Variants in ZC3H14 observed in about 807,000 individuals in gnomAD.
The protein encoded by ZC3H14 is zinc finger CCCH-type containing 14.
A neutral mutation model predicts 92.4 loss-of-function variants in ZC3H14; 31 were observed. The ratio of observed to expected loss-of-function variants is 0.34; its 90% CI spans 0.25 to 0.45. ZC3H14 has a LOEUF of 0.45. Ranked by LOEUF, ZC3H14 falls within the 20% of genes least tolerant of loss-of-function variation. The pLI, the probability that ZC3H14 is intolerant of heterozygous loss-of-function variation, is 1.00. For synonymous variants in ZC3H14, 321 were observed against 300.9 expected (o/e 1.07, Z -0.69); for missense variants, 781 against 897.3 (o/e 0.87, Z 1.66).
In ZC3H14 at chr14:88,624,814, A is replaced by T. The variant is rs2089670346; in HGVS notation, c.*13063A>T. On this transcript the variant is annotated 3_prime_UTR_variant, in exon 17 of 17. Coordinates refer to ENST00000251038, the MANE Select transcript of ZC3H14 (RefSeq NM_024824.5). ...GAATTAAGACCAGAAATGAGAATCA[A>T]ATAGAAGGCACATAAAAGGTAATAA... The T allele has an allele frequency of 1.2e-6, 1 of 830,662 alleles. No individual in the cohort carries two copies. Among genetic ancestry groups the T allele is most frequent in the Non-Finnish European group, 1.8e-6 (1 of 549,676 alleles). 51.5% of individuals were successfully genotyped at this position (830,662 alleles called of 1,614,324 possible).
At chr14:88,602,207 T>A in intron 11 of ZC3H14, 124 bp downstream of exon 11, 1 of 1,310,984 alleles carries the variant, frequency 7.6e-7, no homozygotes, top group Non-Finnish European at 1.1e-6. Context: ...ATTGATTCAG[T>A]AGCTAGCCCA....
intron 10 of ZC3H14, among the ~76,000 whole-genome samples, chr14:88,598,489 T>C (rs543363999): frequency 4.8e-4 from 73 of 152,338 alleles, no homozygotes; most frequent in African/African-American, 1.7e-3. Flanking sequence ...AGTCCAGTAC[T>C]TCTTTCATCA....
At position 88,566,040 on chromosome 14, in the gene ZC3H14, C is replaced by T. The variant is rs1172438268; in HGVS notation, c.80-1999C>T. Among the ~76,000 whole-genome samples the T allele has an allele frequency of 4.5e-5, 2 of 44,802 alleles. 1 individual carries two copies. The allele number at this position is 44,802 out of a possible 152,430, so 29.4% of individuals were successfully genotyped here. On this transcript the variant is annotated intron_variant, in intron 2 of 16. Transcript: ENST00000251038. Reference sequence around the variant, plus strand: ...CTGCCACCACCCCGCCCCCCCCCCCCGGCTAATTTTTGTGTTTTTAGTGGA... The same window carrying T: ...CTGCCACCACCCCGCCCCCCCCCCCTGGCTAATTTTTGTGTTTTTAGTGGA...
rs755252596 is a variant in ZC3H14 at position 88,596,846 on chromosome 14, T to A, written c.1354+38T>A. 3.3e-5 allele frequency: 51 copies of A among 1,563,620 alleles called. 1 individual carries two copies. Among genetic ancestry groups the A allele is most frequent in the Non-Finnish European group, 4.4e-5 (50 of 1,134,116 alleles). On this transcript the variant is annotated intron_variant, in intron 10 of 16. Transcript: ENST00000251038. ...TCAAGTTGTACTGTAATCCAGCCAT[T>A]TCAGTTGCCATTTCCATTTCTTACA...
rs983218505 is a variant in ZC3H14 at position 88,616,626 on chromosome 14, A to G, written c.*4875A>G. ...TTAGAAAGTTTGGGGAAAAATTTAG[A>G]AATTAGGACAAAACATTTTAAATAT... is the stretch of plus-strand genomic sequence containing the variant. On this transcript the variant is annotated 3_prime_UTR_variant, in exon 17 of 17. Transcript: ENST00000251038. 1 of 1,243,042 alleles carries G rather than the reference A, an allele frequency of 8.0e-7. No homozygotes were observed. Among genetic ancestry groups the G allele is most frequent in the South Asian group, 1.8e-5 (1 of 54,674 alleles). The allele number at this position is 1,243,042 out of a possible 1,614,324, so 77.0% of individuals were successfully genotyped here. A position where few individuals can be genotyped will look rare whatever the true frequency, so the allele number is the denominator to read the frequency against.
chr14:88,619,178 C>G lies in ZC3H14; in HGVS notation c.*7427C>G, dbSNP rs2088358721. On this transcript the variant is annotated 3_prime_UTR_variant, in exon 17 of 17. Coordinates refer to ENST00000251038, the MANE Select transcript of ZC3H14 (RefSeq NM_024824.5). ...GTCGAGAGTTTGAGACCAGCCTGACCAACATAGAGAAACCCTGTCTCTACT... is the reference window on the plus strand; with the variant it reads ...GTCGAGAGTTTGAGACCAGCCTGACGAACATAGAGAAACCCTGTCTCTACT... The G allele has an allele frequency of 6.3e-6, 1 of 159,674 alleles. No homozygotes were observed. Among genetic ancestry groups the G allele is most frequent in the Admixed American group, 6.3e-5 (1 of 15,864 alleles). 9.9% of individuals were successfully genotyped at this position (159,674 alleles called of 1,614,324 possible).
chr14:88,608,415 CT>C, intron 13 of ZC3H14: 1 of 345,496 alleles, frequency 2.9e-6, no homozygotes, highest in Non-Finnish European at 5.7e-6. Flanking sequence ...TATCTTACAC[CT>C]TATTTTGTTT....
chr14:88,565,614 A>G (rs1279091650), intron 2 of ZC3H14, among the ~76,000 whole-genome samples: 2 of 152,092 alleles, frequency 1.3e-5, no homozygotes, highest in Non-Finnish European at 2.9e-5. Flanking sequence ...GGGTCAGTGG[A>G]TTTTTGTGCA....
intron 9 of ZC3H14, among the ~76,000 whole-genome samples, chr14:88,579,438 G>A (rs1382067294): frequency 6.6e-6 from 1 of 152,218 alleles, no homozygotes; most frequent in Non-Finnish European, 1.5e-5. Context: ...TGCAGTGGCA[G>A]ATGAGGCTGA....
chr14:88,616,833 T>A lies in ZC3H14; in HGVS notation c.*5082T>A. The stretch of plus-strand genomic sequence containing the variant: ...ACACAGGCACAGTTGACATCAGCTT[T>A]CTCAGCATGTCTGGACCAGATTCCC... On this transcript the variant is annotated 3_prime_UTR_variant, in exon 17 of 17. Transcript: ENST00000251038. 1 of 1,613,936 alleles carries A rather than the reference T, an allele frequency of 6.2e-7. No individual in the cohort carries two copies.
rs2079925081 is a variant in ZC3H14 at position 88,568,028 on chromosome 14, C to G, written c.80-11C>G. Reference sequence around the variant, plus strand: ...GAAACAAAGTTTTGATCTACCTTTCCTTTTAAATAGATGAAGAACTTCCTG... The same window carrying G: ...GAAACAAAGTTTTGATCTACCTTTCGTTTTAAATAGATGAAGAACTTCCTG... On this transcript the variant is annotated splice_polypyrimidine_tract_variant and intron_variant, in intron 2 of 16. Transcript: ENST00000251038. 6.2e-7 allele frequency: 1 copy of G among 1,611,182 alleles called. No individual in the cohort carries two copies. Among genetic ancestry groups the G allele is most frequent in the African/African-American group, 1.3e-5 (1 of 74,850 alleles).
In ZC3H14 at chr14:88,574,811, G is replaced by A; in HGVS notation, c.980G>A (p.Ser327Asn). 6.2e-7 allele frequency: 1 copy of A among 1,614,228 alleles called. No individual in the cohort carries two copies. Among genetic ancestry groups the A allele is most frequent in the Non-Finnish European group, 8.5e-7 (1 of 1,180,028 alleles). The stretch of plus-strand genomic sequence containing the variant: ...GATGATTACGGGTCTCGAACAGGAA[G>A]CATCTCCAGCAGTGTGTCTGTGCCT... ...EDDDYGSRTG[S>N]ISSSVSVPAK... The change falls in exon 7 of 17, where the codon AGC (serine) becomes AAC (asparagine). Residue 327 changes from serine to asparagine, a missense_variant. By Grantham distance (46) the Ser-to-Asn change is conservative (BLOSUM62 1). Around this residue, in one of 3 missense-constraint regions of ZC3H14, gnomAD observed 454 missense variants for 438.5 expected, o/e 1.04. Transcript: ENST00000251038.
At position 88,616,271 on chromosome 14, in the gene ZC3H14, G is replaced by C; in HGVS notation, c.*4520G>C. On this transcript the variant is annotated 3_prime_UTR_variant, in exon 17 of 17. Transcript: ENST00000251038. ...AAAAACAATGACAGACAAGCTCAGG[G>C]CATTTGGTGCACACAGAAGTCAAAG... 6.3e-7 allele frequency: 1 copy of C among 1,599,736 alleles called. No homozygotes were observed. The highest frequency in any genetic ancestry group is 8.6e-7 in the Non-Finnish European group (1 of 1,167,186).
intron 9 of ZC3H14, among the ~76,000 whole-genome samples, chr14:88,585,598 A>G (rs1049180172): frequency 6.6e-6 from 1 of 151,942 alleles, no homozygotes; most frequent in African/African-American, 2.4e-5. Flanking sequence ...GATGGTCTCA[A>G]TCTCTTGATC....
chr14:88,580,152 A>G (rs1387838143), intron 9 of ZC3H14, among the ~76,000 whole-genome samples: 1 of 151,988 alleles, frequency 6.6e-6, no homozygotes, highest in Non-Finnish European at 1.5e-5. Flanking sequence ...GCTGGAGCCC[A>G]GGAGGCTGAG....
intron 16 of ZC3H14, among the ~76,000 whole-genome samples, 198 bp from the exon 17 acceptor site, chr14:88,611,547 C>T (rs1193324020): frequency 1.3e-5 from 2 of 152,098 alleles, no homozygotes; most frequent in African/African-American, 2.4e-5. Flanking sequence ...TTAGTGTGGC[C>T]AGAAAATTTA....
At chr14:88,599,731 A>G (rs1595754054) in intron 10 of ZC3H14, among the ~76,000 whole-genome samples, 1 of 152,208 alleles carries the variant, frequency 6.6e-6, no homozygotes, top group East Asian at 1.9e-4. Context: ...CACCTTCAGC[A>G]TTATTTTCAT....
intron 9 of ZC3H14, among the ~76,000 whole-genome samples, chr14:88,595,437 A>T (rs2083676512): frequency 6.6e-6 from 1 of 152,170 alleles, no homozygotes; most frequent in East Asian, 1.9e-4. Flanking sequence ...TTCTTTCATC[A>T]TGTACTGTTG....
chr14:88,616,052 A>G lies in ZC3H14; in HGVS notation c.*4301A>G. The G allele has an allele frequency of 7.0e-7, 1 of 1,421,304 alleles. No individual in the cohort carries two copies. 88.0% of individuals were successfully genotyped at this position (1,421,304 alleles called of 1,614,324 possible). ...ACCTTCTACTAATGTTGACTAGCTG[A>G]TTTCATAAACCAAAGCTGTAGGAGT... is the stretch of plus-strand genomic sequence containing the variant. On this transcript the variant is annotated 3_prime_UTR_variant, in exon 17 of 17. Coordinates refer to ENST00000251038, the MANE Select transcript of ZC3H14 (RefSeq NM_024824.5).
Sources: gnomAD v4.1 joint callset for allele counts (sites outside exome capture counted in the v4.1 genomes callset) on GRCh38, gnomAD v4.1.1 for gene constraint, gnomAD v4.1.1 regional missense constraint, MANE v1.5 for transcripts, NCBI Gene and HGNC (gene_info 2026-07-23, HGNC 2026-07-21) for gene names.